The following LOXHD1 variants were observed in gnomAD, a reference collection of about 807,000 sequenced individuals.
LOXHD1 encodes the protein lipoxygenase homology PLAT domains 1.
In LOXHD1, 205 loss-of-function variants were observed where a neutral mutation model predicts 248.2. The ratio of observed to expected loss-of-function variants is 0.83; its 90% CI spans 0.74 to 0.93. LOXHD1 has a LOEUF of 0.93. LOXHD1 is among the 40% of genes least tolerant of loss of function. The pLI is 0.00. For missense variants in LOXHD1, 2,930 were observed against 2,971.6 expected, an observed-to-expected ratio of 0.99 and a Z score of 0.33; for synonymous variants, 1,113 against 1,162.8, an observed-to-expected ratio of 0.96 and a Z score of 0.87.
intron 33 of LOXHD1, 99 bp downstream of exon 33, chr18:46,520,998 T>G: frequency 8.3e-5 from 115 of 1,387,306 alleles, no homozygotes; most frequent in Non-Finnish European, 1.0e-4. Context: ...GCCCCAGTGA[T>G]GAGTCTCCTA....
chr18:46,612,500 G>T (rs138219153), intron 5 of LOXHD1, among the ~76,000 whole-genome samples: 1 of 151,912 alleles, frequency 6.6e-6, no homozygotes, highest in Non-Finnish European at 1.5e-5. Context: ...AATATATTTT[G>T]GCCATTTAGG....
chr18:46,491,821 G>T (rs2033498727), intron 37 of LOXHD1, among the ~76,000 whole-genome samples: 2 of 152,208 alleles, frequency 1.3e-5, no homozygotes, highest in African/African-American at 4.8e-5. Context: ...TGCCCCCACT[G>T]CATGGATGAA....
intron 40 of LOXHD1, among the ~76,000 whole-genome samples, chr18:46,478,840 G>A (rs1414799119): frequency 6.6e-6 from 1 of 152,142 alleles, no homozygotes. Context: ...CTATGAGCAT[G>A]CACTATCATG....
intron 12 of LOXHD1, 79 bp from the exon 13 acceptor site, chr18:46,579,863 C>T (rs959445541): frequency 2.1e-6 from 3 of 1,462,108 alleles, no homozygotes; most frequent in Non-Finnish European, 2.8e-6. Flanking sequence ...CACTTCTAAG[C>T]TCTGATTCCT....
intron 18 of LOXHD1, among the ~76,000 whole-genome samples, chr18:46,561,961 A>G (rs566826138): frequency 6.6e-6 from 1 of 152,208 alleles, no homozygotes; most frequent in East Asian, 1.9e-4. Context: ...CCACCACCAC[A>G]TCCAGTAAAT....
chr18:46,517,595 C>G (rs1042179409), intron 34 of LOXHD1, among the ~76,000 whole-genome samples: 13 of 151,976 alleles, frequency 8.6e-5, no homozygotes, highest in African/African-American at 3.1e-4. Flanking sequence ...AGTACAAGGA[C>G]CCTTGTCTTC....
At chr18:46,651,357 G>A (rs2039108856) in intron 1 of LOXHD1, among the ~76,000 whole-genome samples, 1 of 152,070 alleles carries the variant, frequency 6.6e-6, no homozygotes, top group Admixed American at 6.6e-5. Context: ...CTATACCACA[G>A]GGAGGCTGAT....
At chr18:46,482,443 A>G (rs775631526) in intron 40 of LOXHD1, among the ~76,000 whole-genome samples, 4 of 152,208 alleles carry the variant, frequency 2.6e-5, no homozygotes, top group Non-Finnish European at 5.9e-5. Context: ...ACAGAAAGAG[A>G]GTGCTCCCAG....
intron 12 of LOXHD1, among the ~76,000 whole-genome samples, chr18:46,580,632 G>C (rs1490227628): frequency 6.6e-6 from 1 of 152,244 alleles, no homozygotes; most frequent in Non-Finnish European, 1.5e-5. Flanking sequence ...TTAGAGTTAA[G>C]AGTAAAAGTA....
intron 14 of LOXHD1, 104 bp from the exon 15 acceptor site, chr18:46,572,266 T>C: frequency 1.0e-6 from 1 of 1,003,112 alleles, no homozygotes. Flanking sequence ...GAGCTTTGAC[T>C]TTAGCAAAGT....
At chr18:46,618,161 G>C in intron 5 of LOXHD1, 31 bp downstream of exon 5, 1 of 1,499,388 alleles carries the variant, frequency 6.7e-7, no homozygotes, top group Non-Finnish European at 9.1e-7. Context: ...CCTGGGCTTG[G>C]CTTATGAAAA....
intron 40 of LOXHD1, among the ~76,000 whole-genome samples, chr18:46,478,754 G>A (rs761823500): frequency 1.3e-5 from 2 of 152,002 alleles, no homozygotes; most frequent in East Asian, 1.9e-4. Flanking sequence ...CTGCAATGGC[G>A]CGATCATAGC....
intron 4 of LOXHD1, among the ~76,000 whole-genome samples, chr18:46,629,092 G>C (rs907743226): frequency 3.9e-5 from 6 of 152,168 alleles, no homozygotes; most frequent in African/African-American, 1.4e-4. Flanking sequence ...GGCTGGCCCT[G>C]ACCTCTCCGT....
rs555414876 is a variant in LOXHD1 at position 46,639,692 on chromosome 18, C to A, written c.435G>T (p.Trp145Cys). Residue 145 changes from tryptophan to cysteine, a missense_variant, in exon 4 of 41, where the codon TGG (tryptophan) becomes TGT (cysteine). Coordinates refer to ENST00000642948, the MANE Select transcript of LOXHD1 (RefSeq NM_001384474.1). ...GGCGGTCACCTTCCACCTTGCTCAG[C>A]CAGTTGTTGCAGTTGAAGTAGTAAC... Reference protein sequence around the residue: ...HLRYYFNCNNWLSKVEGDRQW... With the variant: ...HLRYYFNCNNCLSKVEGDRQW... 60 of 1,551,734 alleles carry A rather than the reference C, an allele frequency of 3.9e-5. No homozygotes were observed. In the South Asian group the frequency reaches 6.4e-4, roughly 17 times the overall value.
Position 46,494,849 on chromosome 18 carries a change from C to CTTTTTTTT in LOXHD1, c.5879-5715_5879-5708dup, listed in dbSNP as rs58016824. ...TTTTCTTTCTCCTTTTTCTCTCTCTCTTTTTTTTTTTTTTTTTTTTTTGAG... is the reference window on the plus strand; with the variant it reads ...TTTTCTTTCTCCTTTTTCTCTCTCTCTTTTTTTTTTTTTTTTTTTTTTTTTTTTTTGAG... On this transcript the variant is annotated intron_variant, in intron 37 of 40. Transcript: ENST00000642948. Among the ~76,000 whole-genome samples the CTTTTTTTT allele has an allele frequency of 2.9e-3, 280 of 96,550 alleles. 10 individuals carry two copies. Among genetic ancestry groups the CTTTTTTTT allele is most frequent in the African/African-American group, 9.9e-3 (257 of 26,026 alleles). The allele number at this position is 96,550 out of a possible 152,430, so 63.3% of individuals were successfully genotyped here.
chr18:46,601,062 C>T (rs1394907540), intron 8 of LOXHD1, among the ~76,000 whole-genome samples, 155 bp downstream of exon 8: 1 of 152,266 alleles, frequency 6.6e-6, no homozygotes, highest in South Asian at 2.1e-4. Context: ...GCAAGATAGA[C>T]GGACACGTAA....
At chr18:46,525,171 T>C (rs750356324) in intron 29 of LOXHD1, among the ~76,000 whole-genome samples, 36 of 152,122 alleles carry the variant, frequency 2.4e-4, no homozygotes, top group Admixed American at 3.3e-4. Flanking sequence ...CACATTCCTT[T>C]TGGGAGAAGC....
intron 1 of LOXHD1, among the ~76,000 whole-genome samples, chr18:46,652,730 A>T (rs568008796): frequency 6.6e-6 from 1 of 152,256 alleles, no homozygotes; most frequent in Non-Finnish European, 1.5e-5. Flanking sequence ...GATTTGTAGT[A>T]GCTTGACTTG....
At chr18:46,597,264 T>G (rs978510623) in intron 8 of LOXHD1, among the ~76,000 whole-genome samples, 3 of 151,190 alleles carry the variant, frequency 2.0e-5, no homozygotes, top group African/African-American at 7.3e-5. Flanking sequence ...AAGGAAAAAA[T>G]AGGGAAAAAC....
Sources: allele counts gnomAD v4.1 joint callset (sites outside exome capture counted in the v4.1 genomes callset), GRCh38; gene constraint gnomAD v4.1.1; transcripts MANE v1.5; gene names NCBI Gene and HGNC (gene_info 2026-07-23, HGNC 2026-07-21).